The following MAT2B variants were observed in gnomAD, a reference collection of about 807,000 sequenced individuals.
MAT2B encodes methionine adenosyltransferase 2 subunit beta.
MAT2B carries 16 observed loss-of-function variants against 36.1 expected under a neutral mutation model. The ratio of observed to expected loss-of-function variants is 0.44; its 90% confidence interval spans 0.30 to 0.67. MAT2B has a LOEUF of 0.67. Ranked by LOEUF, MAT2B falls within the 30% of genes least tolerant of loss-of-function variation. The pLI, the probability that MAT2B is intolerant of heterozygous loss-of-function variation, is 0.09. For missense variants in MAT2B, 332 were observed against 398.2 expected (o/e 0.83, Z 1.42); for synonymous variants, 148 against 136.9 (o/e 1.08, Z -0.57).
chr5:163,517,038 C>A, intron 5 of MAT2B: 1 of 430,848 alleles, frequency 2.3e-6, no homozygotes, highest in South Asian at 5.4e-5. Context: ...CACCTGTAAT[C>A]CCAGCACATT....
intron 5 of MAT2B, 177 bp from the exon 6 acceptor site, chr5:163,517,384 T>G: frequency 2.6e-6 from 1 of 379,640 alleles, no homozygotes; most frequent in Non-Finnish European, 4.8e-6. Flanking sequence ...CTCTTTTAAG[T>G]GTTTTGCTAA....
At chr5:163,504,385 A>C (rs1759894864), upstream of MAT2B, among the ~76,000 whole-genome samples, 1 of 152,182 alleles carries the variant, frequency 6.6e-6, no homozygotes, top group Non-Finnish European at 1.5e-5. Flanking sequence ...TTACTGTTCT[A>C]GAGAAACTTT....
intron 1 of MAT2B, among the ~76,000 whole-genome samples, chr5:163,510,394 C>T (rs1274177527): frequency 5.7e-5 from 7 of 121,750 alleles, no homozygotes; most frequent in Admixed American, 8.4e-5. Flanking sequence ...TTAGTTTTAG[C>T]TTTTTTTTTT....
Position 163,513,969 on chromosome 5 carries a change from A to G in MAT2B, c.501A>G (p.Glu167=), listed in dbSNP as rs898997071. ...NLYGKTKLDG[E]KAVLENNLGA... is the part of the protein sequence containing the mutation. ...ATGGCAAAACAAAATTAGATGGAGA[A>G]AAGGCTGTCCTGGAGAACAATCTAG... The change falls in exon 4 of 7, where the codon GAA becomes GAG. Residue 167 remains glutamate, a synonymous_variant. Coordinates refer to ENST00000321757, the MANE Select transcript of MAT2B (RefSeq NM_013283.5). 6.2e-7 allele frequency: 1 copy of G among 1,613,398 alleles called. No individual in the cohort carries two copies. Among genetic ancestry groups the G allele is most frequent in the Non-Finnish European group, 8.5e-7 (1 of 1,179,704 alleles).
chr5:163,511,364 C>T (rs1303933368), intron 1 of MAT2B, among the ~76,000 whole-genome samples: 2 of 151,004 alleles, frequency 1.3e-5, no homozygotes, highest in South Asian at 2.1e-4. Context: ...CTCCCAGGCT[C>T]GTGATCCTCC....
intron 4 of MAT2B, among the ~76,000 whole-genome samples, chr5:163,515,836 G>A (rs995588997): frequency 7.5e-6 from 1 of 133,338 alleles, no homozygotes; most frequent in Non-Finnish European, 1.5e-5. Flanking sequence ...GTGCAGTAGG[G>A]TGAACACAGC....
intron 5 of MAT2B, 130 bp from the exon 6 acceptor site, chr5:163,517,431 G>GACA: frequency 6.3e-6 from 3 of 475,870 alleles, no homozygotes; most frequent in Non-Finnish European, 1.1e-5. Context: ...ATATCTTGTG[G>GACA]AGACCTTTCC....
At chr5:163,513,758 T>C in intron 3 of MAT2B, 84 bp from the exon 4 acceptor site, 2 of 1,511,160 alleles carry the variant, frequency 1.3e-6, no homozygotes, top group Non-Finnish European at 9.1e-7. Context: ...TATTTGTTTT[T>C]ATATATCATG....
At chr5:163,510,158 G>A (rs1760014930) in intron 1 of MAT2B, among the ~76,000 whole-genome samples, 1 of 152,072 alleles carries the variant, frequency 6.6e-6, no homozygotes, top group Admixed American at 6.6e-5. Flanking sequence ...TAAAATAACT[G>A]GTTTGTTTTT....
intron 1 of MAT2B, among the ~76,000 whole-genome samples, chr5:163,511,027 G>C (rs372878365): frequency 1.3e-5 from 2 of 152,068 alleles, no homozygotes; most frequent in African/African-American, 2.4e-5. Flanking sequence ...ACCTTCAGTC[G>C]TATCTATAGA....
In MAT2B at chr5:163,518,363, G is replaced by T; in HGVS notation, c.1005G>T (p.Ter335TyrextTer12). ...GATGGAGACAAACGGTCTTTCATTA[G>T]TTTATTTGTGTTGGGTTCTTTTTTT... ...DKRWRQTVFH[*>Y] is the part of the protein sequence containing the mutation. Residue 335 changes from the stop codon to tyrosine, a stop_lost, in exon 7 of 7, where the codon TAG (stop) becomes TAT (tyrosine). Coordinates refer to ENST00000321757, the MANE Select transcript of MAT2B (RefSeq NM_013283.5). 1 of 1,589,812 alleles carries T rather than the reference G, an allele frequency of 6.3e-7. No individual in the cohort carries two copies. The highest frequency in any genetic ancestry group is 8.5e-7 in the Non-Finnish European group (1 of 1,171,528).
At position 163,515,770 on chromosome 5, in the gene MAT2B, C is replaced by CTTTTTCTT. The variant is rs1760121173; in HGVS notation, c.527-743_527-742insCTTTTTTT. The stretch of plus-strand genomic sequence containing the variant: ...TTAACAAATGTGGTTTTGCCTTTTT[C>CTTTTTCTT]TTTTTTTTTTTTTTTTTTTTTTTTT... On this transcript the variant is annotated intron_variant, in intron 4 of 6. Coordinates refer to ENST00000321757, the MANE Select transcript of MAT2B (RefSeq NM_013283.5). Among the ~76,000 whole-genome samples, 7 of 69,780 alleles carry CTTTTTCTT rather than the reference C, an allele frequency of 1.0e-4. 1 individual carries two copies. Among genetic ancestry groups the CTTTTTCTT allele is most frequent in the Non-Finnish European group, 9.8e-5 (4 of 40,826 alleles). The allele number at this position is 69,780 out of a possible 152,430, so 45.8% of individuals were successfully genotyped here.
chr5:163,506,034 G>A (rs886331801), intron 1 of MAT2B, among the ~76,000 whole-genome samples: 1 of 152,172 alleles, frequency 6.6e-6, no homozygotes, highest in African/African-American at 2.4e-5. Flanking sequence ...GGACGAAGAG[G>A]TTTTTCAGAA....
chr5:163,513,724 A>C, intron 3 of MAT2B, 55 bp downstream of exon 3: 1 of 1,538,796 alleles, frequency 6.5e-7, no homozygotes, highest in Non-Finnish European at 8.9e-7. Flanking sequence ...CTGAGTTTTT[A>C]GAAATTAAGG....
rs1268670504 is a variant in MAT2B at position 163,519,270 on chromosome 5, C to T, written c.*907C>T. The T allele has an allele frequency of 6.6e-6, 1 of 151,878 alleles. No homozygotes were observed. Among genetic ancestry groups the T allele is most frequent in the Non-Finnish European group, 1.5e-5 (1 of 67,954 alleles). The allele number at this position is 151,878 out of a possible 1,614,324, so 9.4% of individuals were successfully genotyped here. ...CATTCTTCTGATGTAACATGTGATACATACAAAAGAATATAGTTTAATATG... is the reference window on the plus strand; with the variant it reads ...CATTCTTCTGATGTAACATGTGATATATACAAAAGAATATAGTTTAATATG... On this transcript the variant is annotated 3_prime_UTR_variant, in exon 7 of 7. Transcript: ENST00000321757.
At chr5:163,508,386 C>T (rs1330859165) in intron 1 of MAT2B, among the ~76,000 whole-genome samples, 1 of 148,332 alleles carries the variant, frequency 6.7e-6, no homozygotes, top group African/African-American at 2.5e-5. Context: ...TATAGGCGCC[C>T]ACCACCATGC....
chr5:163,516,506 ATTC>A lies in MAT2B; in HGVS notation c.527-7_527-5del, dbSNP rs1760135130. 1 of 1,609,630 alleles carries A rather than the reference ATTC, an allele frequency of 6.2e-7. No homozygotes were observed. Among genetic ancestry groups the A allele is most frequent in the South Asian group, 1.1e-5 (1 of 90,936 alleles). ...AGTCAGCTTTAAATTATTTGCTTTT[ATTC>A]TTCTCTAGGAGCTGCTGTTTTGAGG... On this transcript the variant is annotated splice_polypyrimidine_tract_variant and intron_variant, in intron 4 of 6. Transcript: ENST00000321757.
At chr5:163,513,469 A>G (rs1030100671) in intron 2 of MAT2B, 86 bp from the exon 3 acceptor site, 4 of 724,592 alleles carry the variant, frequency 5.5e-6, no homozygotes, top group Middle Eastern at 2.4e-4. Flanking sequence ...CTTACTGCAC[A>G]TTTTTCTCTG....
upstream of MAT2B, among the ~76,000 whole-genome samples, chr5:163,503,855 A>G (rs966294246): frequency 6.6e-6 from 1 of 152,186 alleles, no homozygotes; most frequent in Non-Finnish European, 1.5e-5. Flanking sequence ...TATATTGTCT[A>G]TGTTAAGAAT....
Sources: gnomAD v4.1 joint callset for allele counts (sites outside exome capture counted in the v4.1 genomes callset) on GRCh38, gnomAD v4.1.1 for gene constraint, MANE v1.5 for transcripts, NCBI Gene and HGNC (gene_info 2026-07-23, HGNC 2026-07-21) for gene names.